DPY30: variants seen among roughly 807,000 people sequenced by gnomAD.
DPY30 encodes the protein dpy-30 histone methyltransferase complex regulatory subunit.
In DPY30, 6 loss-of-function variants were observed where a neutral mutation model predicts 16.2. The observed-to-expected ratio is 0.37, with a 90% confidence interval of 0.20 to 0.73. DPY30 has a LOEUF of 0.73. DPY30 is among the 30% of genes least tolerant of loss of function. The probability of loss-of-function intolerance (pLI) is 0.51; values close to 1 mark genes in which losing one functional copy is unlikely to be tolerated. For synonymous variants in DPY30, 39 were observed against 38.8 expected, an observed-to-expected ratio of 1.00 and a Z score of -0.02; for missense variants, 73 against 113.1, an observed-to-expected ratio of 0.65 and a Z score of 1.61.
chr2:32,020,496 A>G (rs1218428475), downstream of DPY30, among the ~76,000 whole-genome samples: 1 of 152,156 alleles, frequency 6.6e-6, no homozygotes, highest in African/African-American at 2.4e-5. Flanking sequence ...TGGGTGACAG[A>G]GCAAGACCTC....
chr2:32,037,946 T>C (rs1368387807), intron 3 of DPY30, among the ~76,000 whole-genome samples: 2 of 152,020 alleles, frequency 1.3e-5, no homozygotes, highest in Non-Finnish European at 2.9e-5. Context: ...TAGTAATAGC[T>C]GTTAATATTA....
chr2:32,032,480 CAA>C (rs1285894164), intron 3 of DPY30, among the ~76,000 whole-genome samples: 1 of 152,180 alleles, frequency 6.6e-6, no homozygotes, highest in African/African-American at 2.4e-5. Flanking sequence ...CTGATCACAA[CAA>C]AGACAATGCG....
In DPY30 at chr2:32,036,400, G is replaced by A. The variant is rs60109229; in HGVS notation, c.84+2879C>T. ...TAAAAGAAAAAAACTGGCTGGGCGC[G>A]GTGGCTCACGCCTGTAATCCCAGCA... On this transcript the variant is annotated intron_variant, in intron 3 of 4. Transcript: ENST00000342166. Among the ~76,000 whole-genome samples, 544 of 152,092 alleles carry A rather than the reference G, an allele frequency of 3.6e-3. 4 individuals carry two copies. The highest frequency in any genetic ancestry group is 0.01 in the African/African-American group (424 of 41,514).
At chr2:32,027,068 G>C (rs1486321239) in intron 4 of DPY30, among the ~76,000 whole-genome samples, 2 of 151,704 alleles carry the variant, frequency 1.3e-5, no homozygotes, top group African/African-American at 2.4e-5. Context: ...CTGAGGTCAG[G>C]AGTTAGAGAC....
chr2:32,018,990 C>T (rs1169272752), downstream of DPY30, among the ~76,000 whole-genome samples: 1 of 151,854 alleles, frequency 6.6e-6, no homozygotes, highest in African/African-American at 2.4e-5. Context: ...CATCCCACTA[C>T]ACTCCAACCT....
rs1036891718 is a variant in DPY30 at position 32,039,751 on chromosome 2, T to C, written c.-55A>G. The stretch of plus-strand genomic sequence containing the variant: ...TGATTACCCGCGCCCAAGCCGTTCG[T>C]TCTTAAGAGCCCTGCACCGCGCCAC... On this transcript the variant is annotated 5_prime_UTR_variant, in exon 1 of 5. Coordinates refer to ENST00000342166, the MANE Select transcript of DPY30 (RefSeq NM_001321209.2). 1.9e-6 allele frequency: 1 copy of C among 534,970 alleles called. No homozygotes were observed. The highest frequency in any genetic ancestry group is 1.9e-5 in the African/African-American group (1 of 52,556). The allele number at this position is 534,970 out of a possible 1,614,324, so 33.1% of individuals were successfully genotyped here.
intron 4 of DPY30, among the ~76,000 whole-genome samples, chr2:32,024,502 A>C (rs1310187136): frequency 6.6e-6 from 1 of 152,184 alleles, no homozygotes; most frequent in Non-Finnish European, 1.5e-5. Context: ...AAACATGTTT[A>C]AAAAATGTAT....
chr2:32,034,415 A>G (rs1382886690), intron 3 of DPY30, among the ~76,000 whole-genome samples: 5 of 152,154 alleles, frequency 3.3e-5, no homozygotes, highest in African/African-American at 1.2e-4. Context: ...CAAGAGAGGG[A>G]GCAAGAGAGA....
At chr2:32,014,605 T>C (rs1675028115) in intron 5 of DPY30, among the ~76,000 whole-genome samples, 1 of 151,844 alleles carries the variant, frequency 6.6e-6, no homozygotes, top group South Asian at 2.1e-4. Flanking sequence ...TGCCTCAGCC[T>C]CCCGCGTAGC....
At chr2:32,035,079 A>G (rs1433007252) in intron 3 of DPY30, among the ~76,000 whole-genome samples, 1 of 151,614 alleles carries the variant, frequency 6.6e-6, no homozygotes, top group Non-Finnish European at 1.5e-5. Flanking sequence ...ACTACACTCC[A>G]GCCTGGGGGA....
chr2:32,017,657 ACTCTTTCTATAT>A (rs1675090612), intron 5 of DPY30, among the ~76,000 whole-genome samples: 1 of 151,402 alleles, frequency 6.6e-6, no homozygotes, highest in South Asian at 2.1e-4. Context: ...ACATTATGGC[ACTCTTTCTATAT>A]TTGTGTGTAT....
At chr2:32,029,370 T>C (rs992579992) in intron 4 of DPY30, among the ~76,000 whole-genome samples, 1 of 152,196 alleles carries the variant, frequency 6.6e-6, no homozygotes, top group Admixed American at 6.6e-5. Flanking sequence ...CAAAATTACA[T>C]GTATATCATG....
At chr2:32,036,667 T>A in intron 3 of DPY30, among the ~76,000 whole-genome samples, 1 of 121,596 alleles carries the variant, frequency 8.2e-6, no homozygotes, top group African/African-American at 3.2e-5. Flanking sequence ...CAAGACTCTG[T>A]CTCAAAAAAA....
intron 3 of DPY30, among the ~76,000 whole-genome samples, chr2:32,035,388 G>A (rs528878302): frequency 2.0e-5 from 3 of 148,298 alleles, no homozygotes; most frequent in Non-Finnish European, 4.5e-5. Flanking sequence ...TGGATCACGA[G>A]GTCAGGAGAT....
chr2:32,015,437 A>AT (rs1675045763), intron 5 of DPY30, among the ~76,000 whole-genome samples: 1 of 152,202 alleles, frequency 6.6e-6, no homozygotes, highest in Non-Finnish European at 1.5e-5. Context: ...ATATTTAATA[A>AT]TTCCTGTAAG....
chr2:32,039,159 T>C, intron 3 of DPY30, 120 bp downstream of exon 3: 1 of 1,169,196 alleles, frequency 8.6e-7, no homozygotes, highest in Non-Finnish European at 1.3e-6. Context: ...AACTTGATAC[T>C]ATTCAGTTCA....
intron 3 of DPY30, among the ~76,000 whole-genome samples, chr2:32,036,300 C>G (rs1405358975): frequency 6.6e-6 from 1 of 151,920 alleles, no homozygotes; most frequent in Non-Finnish European, 1.5e-5. Context: ...TAAATAATGG[C>G]TGAAATTCTT....
chr2:32,015,711 G>A lies in DPY30; in HGVS notation n.378-3659C>T, dbSNP rs1027179463. Among the ~76,000 whole-genome samples, 11 of 151,812 alleles carry A rather than the reference G, an allele frequency of 7.2e-5. No individual in the cohort carries two copies. In the East Asian group the frequency reaches 1.2e-3, roughly 16 times the overall value. On this transcript the variant is annotated intron_variant and non_coding_transcript_variant, in intron 5 of 5. Coordinates refer to the DPY30 transcript ENST00000414013. ...ACAAATTAGCCTGACATAGTAGCAC[G>A]CCCCTGTAGTACCGCGCCCTGTAGT...
At chr2:32,038,890 C>T (rs569873723) in intron 3 of DPY30, among the ~76,000 whole-genome samples, 1 of 152,206 alleles carries the variant, frequency 6.6e-6, no homozygotes, top group African/African-American at 2.4e-5. Flanking sequence ...TCAGGTGGTC[C>T]GCCAGCCTTG....
Sources: allele counts gnomAD v4.1 joint callset (sites outside exome capture counted in the v4.1 genomes callset), GRCh38; gene constraint gnomAD v4.1.1; transcripts MANE v1.5; gene names NCBI Gene and HGNC (gene_info 2026-07-23, HGNC 2026-07-21).